EVC2: variants seen among roughly 807,000 people sequenced by gnomAD.
The protein encoded by EVC2 is EvC ciliary complex subunit 2.
A neutral mutation model predicts 149.3 loss-of-function variants in EVC2; 148 were observed. The ratio of observed to expected loss-of-function variants is 0.99; its 90% CI spans 0.87 to 1.14. EVC2 has a LOEUF of 1.14. Ranked by LOEUF, EVC2 falls within the 50% of genes most tolerant of loss-of-function variation. The pLI is 0.00. For synonymous variants in EVC2, 776 were observed against 649.9 expected (o/e 1.19, Z -2.95); for missense variants, 1,854 against 1,627.3 (o/e 1.14, Z -2.40).
Position 5,622,349 on chromosome 4 carries a change from T to C in EVC2, c.2501+188A>G, listed in dbSNP as rs1416197490. On this transcript the variant is annotated intron_variant, in intron 14 of 21. Transcript: ENST00000344408. The surrounding 1 kb of genome is among the most constrained non-coding windows in gnomAD (Gnocchi z 5.8). Reference sequence around the variant, plus strand: ...GGTTCTGCACTCTGCTCAATCCTTGTAGGGTCCTGCGTGACATTCGAGGTC... The same window carrying C: ...GGTTCTGCACTCTGCTCAATCCTTGCAGGGTCCTGCGTGACATTCGAGGTC... Among the ~76,000 whole-genome samples, 1 of 152,070 alleles carries C rather than the reference T, an allele frequency of 6.6e-6. No individual in the cohort carries two copies. Among genetic ancestry groups the C allele is most frequent in the East Asian group, 1.9e-4 (1 of 5,170 alleles).
chr4:5,686,319 A>C lies in EVC2; in HGVS notation c.707-840T>G, dbSNP rs1320388212. ...GTGATCCTCCTGCCTCAGCCTCCTGAGTAGCTGGGACTTTAGGTGTGGACC... is the reference window on the plus strand; with the variant it reads ...GTGATCCTCCTGCCTCAGCCTCCTGCGTAGCTGGGACTTTAGGTGTGGACC... On this transcript the variant is annotated intron_variant, in intron 5 of 21. Coordinates refer to ENST00000344408, the MANE Select transcript of EVC2 (RefSeq NM_147127.5). This position sits in a 1 kb window ranked among gnomAD's most constrained non-coding sequence, Gnocchi z 5.4. Among the ~76,000 whole-genome samples, 4 of 152,172 alleles carry C rather than the reference A, an allele frequency of 2.6e-5. No homozygotes were observed. Among genetic ancestry groups the C allele is most frequent in the African/African-American group, 9.7e-5 (4 of 41,450 alleles).
intron 16 of EVC2, among the ~76,000 whole-genome samples, chr4:5,605,885 C>T (rs964419966): frequency 1.3e-5 from 2 of 152,206 alleles, no homozygotes; most frequent in Non-Finnish European, 2.9e-5. Flanking sequence ...TCAGGTCAAC[C>T]GTATCCTTGC....
chr4:5,708,967 C>G (rs1218195656), upstream of EVC2: 1 of 155,246 alleles, frequency 6.4e-6, no homozygotes, highest in Non-Finnish European at 1.4e-5. Context: ...TCCTGGAGCA[C>G]CCAGAAGGTT....
rs1049577438 is a variant in EVC2 at position 5,613,789 on chromosome 4, T to G, written c.2829+1633A>C. ...CATTTTGCCTCTATCTGCCTAATCT[T>G]TGTCTTGCTGTTCAATTTCATATAG... is the stretch of plus-strand genomic sequence containing the variant. On this transcript the variant is annotated intron_variant, in intron 16 of 21. Transcript: ENST00000344408. The surrounding 1 kb of genome is among the most constrained non-coding windows in gnomAD (Gnocchi z 4.6). 6.6e-6 allele frequency among the ~76,000 whole-genome samples: 1 copy of G among 152,138 alleles called. No individual in the cohort carries two copies.
chr4:5,603,605 C>T (rs1423822363), intron 16 of EVC2, among the ~76,000 whole-genome samples: 1 of 152,182 alleles, frequency 6.6e-6, no homozygotes, highest in Non-Finnish European at 1.5e-5. Context: ...GCTGCAGAAA[C>T]AGAATAGGAT....
At chr4:5,672,354 T>C (rs1024520461) in intron 7 of EVC2, among the ~76,000 whole-genome samples, 1 of 152,180 alleles carries the variant, frequency 6.6e-6, no homozygotes, top group Non-Finnish European at 1.5e-5. Context: ...CCTAAGGGAA[T>C]CAGGGGAACA....
chr4:5,550,064 T>C (rs1323804157), intron 21 of EVC2, among the ~76,000 whole-genome samples: 1 of 152,230 alleles, frequency 6.6e-6, no homozygotes, highest in African/African-American at 2.4e-5. Flanking sequence ...ATTCAGCATT[T>C]TTCCTGTATA....
intron 13 of EVC2, among the ~76,000 whole-genome samples, chr4:5,623,216 A>G (rs1715854533): frequency 6.6e-6 from 1 of 152,104 alleles, no homozygotes; most frequent in Admixed American, 6.5e-5. Flanking sequence ...GCTCACTGCA[A>G]TCTCCACCTC....
At position 5,595,224 on chromosome 4, in the gene EVC2, A is replaced by C. The variant is rs528913910; in HGVS notation, c.2830-10374T>G. ...ATTCAGGAAATACAGAGAATGCCAC[A>C]AAGATACTCCTCGAGAAGAGCAACT... On this transcript the variant is annotated intron_variant, in intron 16 of 21. Transcript: ENST00000344408. 5.9e-3 allele frequency among the ~76,000 whole-genome samples: 895 copies of C among 152,252 alleles called. 5 individuals are homozygous for C. Among genetic ancestry groups the C allele is most frequent in the African/African-American group, 0.02 (813 of 41,546 alleles).
chr4:5,562,305 G>C, downstream of EVC2: 1 of 308,942 alleles, frequency 3.2e-6, no homozygotes, highest in South Asian at 1.2e-4. The surrounding 1 kb of genome is among the most constrained non-coding windows in gnomAD (Gnocchi z 4.3). Context: ...CCCAGGGGCT[G>C]ACACATGTTT....
rs1443715107 is a variant in EVC2 at position 5,696,955 on chromosome 4, C to T, written c.283+638G>A. Among the ~76,000 whole-genome samples the T allele has an allele frequency of 1.3e-5, 2 of 152,100 alleles. No individual in the cohort carries two copies. Among genetic ancestry groups the T allele is most frequent in the Non-Finnish European group, 2.9e-5 (2 of 68,026 alleles). ...AGATTGCCTGGATTATCCTGGTGGG[C>T]CCTAAATGTCATCACAGATGTCCTT... On this transcript the variant is annotated intron_variant, in intron 2 of 21. Coordinates refer to ENST00000344408, the MANE Select transcript of EVC2 (RefSeq NM_147127.5). This position sits in a 1 kb window ranked among gnomAD's most constrained non-coding sequence, Gnocchi z 4.1.
Position 5,614,318 on chromosome 4 carries a change from C to T in EVC2, c.2829+1104G>A, listed in dbSNP as rs536315382. Among the ~76,000 whole-genome samples, 9 of 152,340 alleles carry T rather than the reference C, an allele frequency of 5.9e-5. No individual in the cohort carries two copies. The South Asian group carries it at 8.3e-4, about 14-fold the overall frequency. The stretch of plus-strand genomic sequence containing the variant: ...ATCCATTTCCCCCAACTAGAACGGG[C>T]TCGCCTCTACTGGAGAGCAGGGACC... On this transcript the variant is annotated intron_variant, in intron 16 of 21. Coordinates refer to ENST00000344408, the MANE Select transcript of EVC2 (RefSeq NM_147127.5). The surrounding 1 kb of genome is among the most constrained non-coding windows in gnomAD (Gnocchi z 4.7).
At chr4:5,621,907 T>G (rs2108837547) in intron 14 of EVC2, among the ~76,000 whole-genome samples, 1 of 152,236 alleles carries the variant, frequency 6.6e-6, no homozygotes, top group Middle Eastern at 3.4e-3. Flanking sequence ...GCAGGAGTGT[T>G]AGGTGTGGTC....
Position 5,613,996 on chromosome 4 carries a change from A to G in EVC2, c.2829+1426T>C, listed in dbSNP as rs889605687. ...AACAAGCAAAAAAGCTAGAAAAAGG[A>G]GACAGGTGGAAGGTAAGAACAAAAA... On this transcript the variant is annotated intron_variant, in intron 16 of 21. Transcript: ENST00000344408. This position sits in a 1 kb window ranked among gnomAD's most constrained non-coding sequence, Gnocchi z 4.6. 7.2e-5 allele frequency among the ~76,000 whole-genome samples: 11 copies of G among 152,188 alleles called. No individual in the cohort carries two copies. Among genetic ancestry groups the G allele is most frequent in the Non-Finnish European group, 1.3e-4 (9 of 68,036 alleles).
chr4:5,665,511 T>A lies in EVC2; in HGVS notation c.1005+4A>T, dbSNP rs748831699. 6.2e-7 allele frequency: 1 copy of A among 1,613,972 alleles called. No individual in the cohort carries two copies. Among genetic ancestry groups the A allele is most frequent in the Admixed American group, 1.7e-5 (1 of 60,012 alleles). On this transcript the variant is annotated splice_donor_region_variant and intron_variant, in intron 8 of 21. Coordinates refer to ENST00000344408, the MANE Select transcript of EVC2 (RefSeq NM_147127.5). ...CTTCCAAACCACCCTCAGGGAAGACTCACCCGATGTCTGGTGAGCATGTTT... is the reference window on the plus strand; with the variant it reads ...CTTCCAAACCACCCTCAGGGAAGACACACCCGATGTCTGGTGAGCATGTTT...
intron 4 of EVC2, among the ~76,000 whole-genome samples, 180 bp from the exon 5 acceptor site, chr4:5,689,523 G>C (rs1720964862): frequency 6.6e-6 from 1 of 152,154 alleles, no homozygotes; most frequent in Non-Finnish European, 1.5e-5. Context: ...AAGAGGTTTT[G>C]ACCCACACTT....
At chr4:5,585,316 C>T (rs1022153111) in intron 16 of EVC2, among the ~76,000 whole-genome samples, 10 of 152,140 alleles carry the variant, frequency 6.6e-5, no homozygotes, top group Non-Finnish European at 1.2e-4. Flanking sequence ...ACACCATGCG[C>T]TTTGTGTCTG....
At chr4:5,571,086 C>T (rs549790566) in intron 19 of EVC2, among the ~76,000 whole-genome samples, 4 of 151,996 alleles carry the variant, frequency 2.6e-5, no homozygotes, top group South Asian at 2.1e-4. Flanking sequence ...GAGGCTGAGG[C>T]GGGTGGACTG....
At position 5,568,506 on chromosome 4, in the gene EVC2, T is replaced by C; in HGVS notation, c.3495A>G (p.Arg1165=). 1 of 1,588,462 alleles carries C rather than the reference T, an allele frequency of 6.3e-7. No individual in the cohort carries two copies. The highest frequency in any genetic ancestry group is 8.5e-7 in the Non-Finnish European group (1 of 1,173,942). Residue 1165 remains arginine, a synonymous_variant, in exon 20 of 22, where the codon AGA becomes AGG. Transcript: ENST00000344408. The part of the protein sequence containing the change: ...LLALLDSATE[R]HVDHAAESDG... ...CGCTCTCAGCTGCGTGGTCCACATG[T>C]CTCTCGGTGGCCGAATCCAGCAGGG...
Sources: gnomAD v4.1 joint callset for allele counts (sites outside exome capture counted in the v4.1 genomes callset) on GRCh38, gnomAD v4.1.1 for gene constraint, Gnocchi (gnomAD v3.1) non-coding constraint, MANE v1.5 for transcripts, NCBI Gene and HGNC (gene_info 2026-07-23, HGNC 2026-07-21) for gene names.